The following ADAMTS1 variants were observed in gnomAD, a reference collection of about 807,000 sequenced individuals.
The protein encoded by ADAMTS1 is ADAM metallopeptidase with thrombospondin type 1 motif 1.
In ADAMTS1, 19 loss-of-function variants were observed where a neutral mutation model predicts 87.9. The observed-to-expected ratio is 0.22, with a 90% CI of 0.15 to 0.32. The LOEUF is 0.32. ADAMTS1 is among the 10% of genes least tolerant of loss of function. ADAMTS1 has a pLI of 1.00. For synonymous variants in ADAMTS1, 542 were observed against 501.8 expected (o/e 1.08, Z -1.07); for missense variants, 1,240 against 1,259.1 (o/e 0.98, Z 0.23).
intron 1 of ADAMTS1, among the ~76,000 whole-genome samples, chr21:26,843,931 G>T (rs933962566): frequency 6.6e-6 from 1 of 152,208 alleles, no homozygotes; most frequent in African/African-American, 2.4e-5. Flanking sequence ...GCTAAAGGTG[G>T]AAGGAGTCAG....
At position 26,838,444 on chromosome 21, in the gene ADAMTS1, A is replaced by T. The variant is rs1985422601; in HGVS notation, c.2199T>A (p.Ser733Arg). Residue 733 changes from serine to arginine, a missense_variant, in exon 8 of 9, where the codon AGT becomes AGA. By Grantham distance (110) the Ser-to-Arg change is moderately radical. Around this residue, in one of 3 missense-constraint regions of ADAMTS1, gnomAD observed 402 missense variants for 399.1 expected, o/e 1.01. Coordinates refer to ENST00000284984, the MANE Select transcript of ADAMTS1 (RefSeq NM_006988.5). ...ATAGGTGTTTTAAAACTTACTTTGC[A>T]CTAGTAACTGATCCTGATATTTTTT... is the stretch of plus-strand genomic sequence containing the variant. ...TCKKISGSVT[S>R]AKPGYHDIIT... is the part of the protein sequence containing the mutation. The T allele has an allele frequency of 6.2e-7, 1 of 1,614,210 alleles. No individual in the cohort carries two copies. The highest frequency in any genetic ancestry group is 8.5e-7 in the Non-Finnish European group (1 of 1,180,034).
In ADAMTS1 at chr21:26,844,380, C is replaced by A. The variant is rs1985565712; in HGVS notation, c.575G>T (p.Gly192Val). Residue 192 changes from glycine (G) to valine (V), a missense_variant, in exon 1 of 9, where the codon GGC becomes GTC. Coordinates refer to ENST00000284984, the MANE Select transcript of ADAMTS1 (RefSeq NM_006988.5). Reference sequence around the variant, plus strand: ...GACCCCGCACGTGCCGCCGACGTCGCCCTGCCGATTCCGCCGCAGGAGGTG... The same window carrying A: ...GACCCCGCACGTGCCGCCGACGTCGACCTGCCGATTCCGCCGCAGGAGGTG... ...QFHLLRRNRQGDVGGTCGVVD... is the reference protein window; with the variant it reads ...QFHLLRRNRQVDVGGTCGVVD... 3.1e-6 allele frequency: 5 copies of A among 1,594,950 alleles called. No homozygotes were observed. Among genetic ancestry groups the A allele is most frequent in the Non-Finnish European group, 3.4e-6 (4 of 1,173,088 alleles).
In ADAMTS1 at chr21:26,844,662, G is replaced by T; in HGVS notation, c.293C>A (p.Pro98His). 6.2e-7 allele frequency: 1 copy of T among 1,600,386 alleles called. No homozygotes were observed. Residue 98 changes from proline (P) to histidine (H), a missense_variant, in exon 1 of 9, where the codon CCC (proline) becomes CAC (histidine). By Grantham distance (77) the Pro-to-His change is moderately conservative. Coordinates refer to ENST00000284984, the MANE Select transcript of ADAMTS1 (RefSeq NM_006988.5). ...CCCCACGTTCTGGAGCGTGAAGCCG[G>T]GCGCCAAAAAGCTGCTGTCGGGCCG... ...ELRPDSSFLAPGFTLQNVGRK... is the reference protein window; with the variant it reads ...ELRPDSSFLAHGFTLQNVGRK...
chr21:26,844,714 A>C lies in ADAMTS1; in HGVS notation c.241T>G (p.Phe81Val), dbSNP rs1162114689. 1 of 1,584,206 alleles carries C rather than the reference A, an allele frequency of 6.3e-7. No homozygotes were observed. The highest frequency in any genetic ancestry group is 2.3e-5 in the East Asian group (1 of 43,824). The change falls in exon 1 of 9, where the codon TTT becomes GTT. Residue 81 changes from phenylalanine to valine, a missense_variant. Phe to Val is a conservative substitution (Grantham distance 50, BLOSUM62 -1). This residue lies in a region of ADAMTS1 where 521 missense variants were observed against 449.7 expected (regional missense o/e 1.16). Transcript: ENST00000284984. ...AGCTCCAGATCCAGCTGCTGGTCAA[A>C]GGCGTGCAGGCGGAGGCGCGTGGTC... ...HGTTRLRLHA[F>V]DQQLDLELRP...
In ADAMTS1 at chr21:26,838,253, T is replaced by C. The variant is rs146009181; in HGVS notation, c.2230A>G (p.Ile744Val). 1.9e-6 allele frequency: 3 copies of C among 1,611,000 alleles called. No homozygotes were observed. The African/African-American group carries it at 4.0e-5, about 22-fold the overall frequency. The change falls in exon 9 of 9, where the codon ATT (isoleucine) becomes GTT (valine). Residue 744 changes from isoleucine to valine, a missense_variant. Physicochemically the swap from Ile to Val is conservative, Grantham distance 29 (BLOSUM62 3). Around this residue, in one of 3 missense-constraint regions of ADAMTS1, gnomAD observed 402 missense variants for 399.1 expected, o/e 1.01. Transcript: ENST00000284984. The stretch of plus-strand genomic sequence containing the variant: ...TCGATGTTGGTGGCTCCAGTTGGAA[T>C]TGTGATGATATCATGATATCCAGGT... ...AKPGYHDIITIPTGATNIEVK... is the reference protein window; with the variant it reads ...AKPGYHDIITVPTGATNIEVK...
At position 26,837,326 on chromosome 21, in the gene ADAMTS1, A is replaced by G; in HGVS notation, c.*253T>C. 1 of 405,030 alleles carries G rather than the reference A, an allele frequency of 2.5e-6. No homozygotes were observed. The highest frequency in any genetic ancestry group is 7.1e-5 in the South Asian group (1 of 14,130). 25.1% of individuals were successfully genotyped at this position (405,030 alleles called of 1,614,324 possible). ...TGTAACAAAAGAAATAATAATAATA[A>G]TGCCCGGGGCTTTATTATGCTATAT... is the stretch of plus-strand genomic sequence containing the variant. On this transcript the variant is annotated 3_prime_UTR_variant, in exon 9 of 9. Transcript: ENST00000284984.
At chr21:26,843,996 G>A (rs1985552921) in intron 1 of ADAMTS1, among the ~76,000 whole-genome samples, 1 of 152,212 alleles carries the variant, frequency 6.6e-6, no homozygotes, top group East Asian at 1.9e-4. Flanking sequence ...GCAGAAAATC[G>A]TTTGTCAGTT....
chr21:26,845,012 G>A lies in ADAMTS1; in HGVS notation c.-58C>T, dbSNP rs868207854. Reference sequence around the variant, plus strand: ...CACGGAGCGAGGGACCTTTAGTTCGGGTCGGGAGAGCAAAGCCTCGTTGGC... The same window carrying A: ...CACGGAGCGAGGGACCTTTAGTTCGAGTCGGGAGAGCAAAGCCTCGTTGGC... On this transcript the variant is annotated 5_prime_UTR_variant, in exon 1 of 9. Transcript: ENST00000284984. 2 of 1,470,376 alleles carry A rather than the reference G, an allele frequency of 1.4e-6. No homozygotes were observed. The highest frequency in any genetic ancestry group is 1.5e-5 in the South Asian group (1 of 67,790). 91.1% of individuals were successfully genotyped at this position (1,470,376 alleles called of 1,614,324 possible). A position where few individuals can be genotyped will look rare whatever the true frequency, so the allele number is the denominator to read the frequency against.
Position 26,845,156 on chromosome 21 carries a change from G to C in ADAMTS1, c.-202C>G. The C allele has an allele frequency of 1.5e-6, 1 of 682,184 alleles. No individual in the cohort carries two copies. The highest frequency in any genetic ancestry group is 3.3e-5 in the East Asian group (1 of 30,204). The allele number at this position is 682,184 out of a possible 1,614,324, so 42.3% of individuals were successfully genotyped here. A position where few individuals can be genotyped will look rare whatever the true frequency, so the allele number is the denominator to read the frequency against. ...AGGCGCTGCAGTTCTGCCGGCGCGCGGGAAGTTTTTCTTCCAGCGCAAAGT... is the reference window on the plus strand; with the variant it reads ...AGGCGCTGCAGTTCTGCCGGCGCGCCGGAAGTTTTTCTTCCAGCGCAAAGT... On this transcript the variant is annotated 5_prime_UTR_variant, in exon 1 of 9. Transcript: ENST00000284984.
In ADAMTS1 at chr21:26,845,143, TC is replaced by T. The variant is rs1290407750; in HGVS notation, c.-190del. 36 of 744,254 alleles carry T rather than the reference TC, an allele frequency of 4.8e-5. No individual in the cohort carries two copies. The highest frequency in any genetic ancestry group is 3.7e-5 in the Non-Finnish European group (20 of 538,494). The allele number at this position is 744,254 out of a possible 1,614,324, so 46.1% of individuals were successfully genotyped here. Reference sequence around the variant, plus strand: ...AGTCACTAAAAGGAGGCGCTGCAGTTCTGCCGGCGCGCGGGAAGTTTTTCTT... The same window carrying T: ...AGTCACTAAAAGGAGGCGCTGCAGTTTGCCGGCGCGCGGGAAGTTTTTCTT... On this transcript the variant is annotated 5_prime_UTR_variant, in exon 1 of 9. Transcript: ENST00000284984.
chr21:26,841,201 A>T (rs779075205), intron 3 of ADAMTS1, 36 bp from the exon 4 acceptor site: 2 of 1,605,688 alleles, frequency 1.2e-6, no homozygotes, highest in African/African-American at 1.3e-5. Context: ...TAAAGTATGG[A>T]TCATGGCTGG....
chr21:26,839,561 G>A, intron 7 of ADAMTS1, 26 bp downstream of exon 7: 2 of 1,506,702 alleles, frequency 1.3e-6, no homozygotes, highest in South Asian at 1.3e-5. Context: ...TGATTTTTAG[G>A]TAAAAATAAG....
rs1355245343 is a variant in ADAMTS1, at chr21:26,837,906, G to T, written c.2577C>A (p.Val859=). The change falls in exon 9 of 9, where the codon GTC becomes GTA. Residue 859 remains valine, a synonymous_variant. Coordinates refer to ENST00000284984, the MANE Select transcript of ADAMTS1 (RefSeq NM_006988.5). ...TAGAACATTCGCCCCACTCTTCAAT[G>T]ACCCATGCTGAAAAAGTGGGGATAG... is the stretch of plus-strand genomic sequence containing the variant. The part of the protein sequence containing the change: ...FNAIPTFSAW[V]IEEWGECSKS... 6.2e-7 allele frequency: 1 copy of T among 1,614,186 alleles called. No individual in the cohort carries two copies. Among genetic ancestry groups the T allele is most frequent in the Non-Finnish European group, 8.5e-7 (1 of 1,180,034 alleles).
intron 3 of ADAMTS1, 31 bp from the exon 4 acceptor site, chr21:26,841,196 T>C (rs1396660580): frequency 5.0e-6 from 8 of 1,609,744 alleles, no homozygotes; most frequent in East Asian, 4.5e-5. Flanking sequence ...CACATTAAAG[T>C]ATGGATCATG....
At position 26,839,616 on chromosome 21, in the gene ADAMTS1, T is replaced by C. The variant is rs771306379; in HGVS notation, c.1999A>G (p.Ile667Val). Residue 667 changes from isoleucine to valine, a missense_variant, in exon 7 of 9, where the codon ATT becomes GTT. Ile to Val is a conservative substitution (Grantham distance 29). Coordinates refer to ENST00000284984, the MANE Select transcript of ADAMTS1 (RefSeq NM_006988.5). ...RCKLICQAKG[I>V]GYFFVLQPKV... The stretch of plus-strand genomic sequence containing the variant: ...GGCTGCAAAACGAAGAAGTAGCCAA[T>C]GCCTTTGGCTTGGCAGATGAGCTTG... 7.5e-6 allele frequency: 12 copies of C among 1,606,682 alleles called. No homozygotes were observed. The East Asian group carries it at 2.7e-4, about 36-fold the overall frequency.
Position 26,837,706 on chromosome 21 carries a change from T to C in ADAMTS1, c.2777A>G (p.Lys926Arg). 5 of 1,614,188 alleles carry C rather than the reference T, an allele frequency of 3.1e-6. 1 individual carries two copies. In the South Asian group the frequency reaches 3.3e-5, roughly 11 times the overall value. The change falls in exon 9 of 9, where the codon AAG becomes AGG. Residue 926 changes from lysine (K) to arginine (R), a missense_variant. Transcript: ENST00000284984. ...CTTCAAGCTTCTTTTTTTGTAACCCTTCCCACAGGTCTTAGAACATGATGA... is the reference window on the plus strand; with the variant it reads ...CTTCAAGCTTCTTTTTTTGTAACCCCTCCCACAGGTCTTAGAACATGATGA... ...EWSSCSKTCG[K>R]GYKKRSLKCL...
intron 7 of ADAMTS1, chr21:26,838,855 A>C (rs1985433652): frequency 2.5e-6 from 1 of 400,014 alleles, no homozygotes. Context: ...TGTCTCCTCC[A>C]GCTAAGGTCA....
Position 26,840,972 on chromosome 21 carries a change from TAGAG to T in ADAMTS1, c.1378+22_1378+25del, listed in dbSNP as rs754541684. On this transcript the variant is annotated intron_variant, in intron 4 of 8. Transcript: ENST00000284984. ...TATGCGTGAAAGGTTGGATGCCATC[TAGAG>T]AGAGTAGCTGGAATATCTCACCATG... The T allele has an allele frequency of 5.0e-6, 8 of 1,605,796 alleles. No individual in the cohort carries two copies. The African/African-American group carries it at 1.1e-4, about 21-fold the overall frequency.
Position 26,841,031 on chromosome 21 carries a change from A to G in ADAMTS1, c.1345T>C (p.Tyr449His), listed in dbSNP as rs781343596. Reference protein sequence around the residue: ...HSQPWSPCSAYMITSFLDNGH... With the variant: ...HSQPWSPCSAHMITSFLDNGH... ...TTATCCAGAAATGATGTAATCATGT[A>G]GGCACTGCAAGGAGACCAAGGCTGG... The change falls in exon 4 of 9, where the codon TAC (tyrosine) becomes CAC (histidine). Residue 449 changes from tyrosine (Y) to histidine (H), a missense_variant. Around this residue, in one of 3 missense-constraint regions of ADAMTS1, gnomAD observed 317 missense variants for 410.3 expected, o/e 0.77. Transcript: ENST00000284984. The G allele has an allele frequency of 6.2e-7, 1 of 1,614,234 alleles. No individual in the cohort carries two copies. Among genetic ancestry groups the G allele is most frequent in the East Asian group, 2.2e-5 (1 of 44,886 alleles).
Sources: allele counts gnomAD v4.1 joint callset (sites outside exome capture counted in the v4.1 genomes callset), GRCh38; gene constraint gnomAD v4.1.1; regional missense constraint gnomAD v4.1.1; transcripts MANE v1.5; gene names NCBI Gene and HGNC (gene_info 2026-07-23, HGNC 2026-07-21).